The following ARHGAP24 variants were observed in gnomAD, a reference collection of about 807,000 sequenced individuals.
ARHGAP24 encodes rho GTPase-activating protein 24.
ARHGAP24 carries 50 observed loss-of-function variants against 76.4 expected under a neutral mutation model. The observed-to-expected ratio is 0.65, with a 90% confidence interval of 0.52 to 0.83. ARHGAP24 has a LOEUF of 0.83. Ranked by LOEUF, ARHGAP24 falls within the 40% of genes least tolerant of loss-of-function variation. ARHGAP24 has a pLI of 0.00. For synonymous variants in ARHGAP24, 345 were observed against 323.3 expected, an observed-to-expected ratio of 1.07 and a Z score of -0.72; for missense variants, 930 against 914.2, an observed-to-expected ratio of 1.02 and a Z score of -0.22.
intron 5 of ARHGAP24, among the ~76,000 whole-genome samples, chr4:85,969,399 T>G (rs776296579): frequency 3.9e-4 from 60 of 152,136 alleles, no homozygotes; most frequent in Non-Finnish European, 7.4e-4. Context: ...TTCATAAATA[T>G]TTGATAGCTT....
At chr4:85,823,401 T>C (rs1355691040) in intron 3 of ARHGAP24, among the ~76,000 whole-genome samples, 1 of 152,208 alleles carries the variant, frequency 6.6e-6, no homozygotes, top group African/African-American at 2.4e-5. Flanking sequence ...GGCATATGAA[T>C]ATACTTTTAG....
chr4:85,604,374 G>GA (rs1481715428), intron 2 of ARHGAP24: 2 of 152,116 alleles, frequency 1.3e-5, no homozygotes, highest in Non-Finnish European at 2.9e-5. Flanking sequence ...ATAAACAAAT[G>GA]AAAAATCCCT....
intron 3 of ARHGAP24, among the ~76,000 whole-genome samples, chr4:85,863,012 T>C (rs547361515): frequency 1.3e-5 from 2 of 152,146 alleles, no homozygotes; most frequent in East Asian, 3.9e-4. Flanking sequence ...ATAAATCAGA[T>C]CCGGTTCCTC....
intron 3 of ARHGAP24, among the ~76,000 whole-genome samples, chr4:85,774,556 G>A (rs190182825): frequency 1.5e-3 from 232 of 152,236 alleles, no homozygotes; most frequent in African/African-American, 5.2e-3. Context: ...AGAGATTTCC[G>A]GAAGCTCTTA....
intron 4 of ARHGAP24, among the ~76,000 whole-genome samples, chr4:85,928,749 A>C (rs904702728): frequency 1.3e-5 from 2 of 152,194 alleles, no homozygotes; most frequent in African/African-American, 4.8e-5. Flanking sequence ...GGTGTGAGCC[A>C]TTGTGCCCAG....
chr4:85,487,791 TA>T (rs1204462886), intron 1 of ARHGAP24, among the ~76,000 whole-genome samples: 14 of 106,460 alleles, frequency 1.3e-4, no homozygotes, highest in African/African-American at 4.3e-4. Flanking sequence ...ATATATTATA[TA>T]AATATATATT....
In ARHGAP24 at chr4:85,995,040, C is replaced by T; in HGVS notation, c.1386C>T (p.Ser462=). Residue 462 remains serine, a synonymous_variant, in exon 9 of 10, where the codon AGC becomes AGT. Coordinates refer to ENST00000395184, the MANE Select transcript of ARHGAP24 (RefSeq NM_001025616.3). ...ATGGGAGCCTACAGGCCAGAAGGAG[C>T]TCTTCACTGAAGGTATCTGGTACCA... The part of the protein sequence containing the change: ...TPNGSLQARR[S]SSLKVSGTKM... The T allele has an allele frequency of 6.2e-7, 1 of 1,614,066 alleles. No homozygotes were observed. Among genetic ancestry groups the T allele is most frequent in the Non-Finnish European group, 8.5e-7 (1 of 1,180,022 alleles).
chr4:85,603,290 CT>C (rs1720092590), intron 2 of ARHGAP24, among the ~76,000 whole-genome samples: 1 of 152,128 alleles, frequency 6.6e-6, no homozygotes, highest in Admixed American at 6.5e-5. Flanking sequence ...GGTTGACCAC[CT>C]TGAAAATTCA....
At chr4:85,551,583 A>G (rs1384903537) in intron 1 of ARHGAP24, among the ~76,000 whole-genome samples, 1 of 152,100 alleles carries the variant, frequency 6.6e-6, no homozygotes, top group Non-Finnish European at 1.5e-5. Flanking sequence ...TTCTCCTCAA[A>G]TTTTTGGAAT....
At chr4:85,829,045 A>C (rs1729859986) in intron 3 of ARHGAP24, among the ~76,000 whole-genome samples, 1 of 152,160 alleles carries the variant, frequency 6.6e-6, no homozygotes, top group Non-Finnish European at 1.5e-5. Context: ...TTTTATGTCT[A>C]ATGAAAGAAC....
intron 4 of ARHGAP24, among the ~76,000 whole-genome samples, chr4:85,936,961 A>G (rs899869240): frequency 6.6e-6 from 1 of 152,192 alleles, no homozygotes; most frequent in African/African-American, 2.4e-5. Flanking sequence ...CCACCTAAAC[A>G]TTGTTGACTG....
At chr4:85,839,227 G>A (rs758971674) in intron 3 of ARHGAP24, among the ~76,000 whole-genome samples, 49 of 152,138 alleles carry the variant, frequency 3.2e-4, no homozygotes, top group Non-Finnish European at 6.0e-4. Context: ...AGTATGTGCG[G>A]CTTAACATAG....
chr4:85,981,078 G>A (rs1362095803), intron 8 of ARHGAP24, among the ~76,000 whole-genome samples: 1 of 152,204 alleles, frequency 6.6e-6, no homozygotes, highest in Non-Finnish European at 1.5e-5. Flanking sequence ...ACGGCTGTCT[G>A]TATAAAGCAC....
chr4:85,568,387 G>T (rs1726934370), intron 1 of ARHGAP24, among the ~76,000 whole-genome samples: 1 of 151,994 alleles, frequency 6.6e-6, no homozygotes, highest in Admixed American at 6.6e-5. Context: ...TAAGGTGTTT[G>T]GTCAAAGAAT....
intron 1 of ARHGAP24, among the ~76,000 whole-genome samples, chr4:85,524,023 C>A (rs765655497): frequency 3.9e-5 from 6 of 152,092 alleles, no homozygotes; most frequent in Admixed American, 2.0e-4. Flanking sequence ...CAGCCCAATT[C>A]TGTATCCATG....
In ARHGAP24 at chr4:85,972,393, C is replaced by T. The variant is rs539592655; in HGVS notation, c.732+225C>T. The T allele has an allele frequency of 5.6e-5, 31 of 556,994 alleles. 1 individual carries two copies. In the East Asian group the frequency reaches 5.6e-4, roughly 10 times the overall value. 34.5% of individuals were successfully genotyped at this position (556,994 alleles called of 1,614,324 possible). A position where few individuals can be genotyped will look rare whatever the true frequency, so the allele number is the denominator to read the frequency against. The stretch of plus-strand genomic sequence containing the variant: ...TATGGCTGAATAAATTAAATCAGCA[C>T]GACTTGCCGCTTTCTTTCCCTAAAT... On this transcript the variant is annotated intron_variant, in intron 6 of 9. Transcript: ENST00000395184.
chr4:85,910,491 C>T (rs536257554), intron 3 of ARHGAP24, among the ~76,000 whole-genome samples: 1 of 152,274 alleles, frequency 6.6e-6, no homozygotes, highest in African/African-American at 2.4e-5. Flanking sequence ...AGCTCCTTTC[C>T]ACAGTCAGGG....
chr4:85,530,380 C>T (rs1725209987), intron 1 of ARHGAP24, among the ~76,000 whole-genome samples: 1 of 151,964 alleles, frequency 6.6e-6, no homozygotes, highest in Non-Finnish European at 1.5e-5. Flanking sequence ...GACTGTTTCA[C>T]TGCGATATTC....
chr4:85,856,699 AC>A (rs999487814), intron 3 of ARHGAP24, among the ~76,000 whole-genome samples: 1 of 152,014 alleles, frequency 6.6e-6, no homozygotes, highest in African/African-American at 2.4e-5. Flanking sequence ...TTGGCACCTG[AC>A]CTCACGTGAT....
Sources: allele counts gnomAD v4.1 joint callset (sites outside exome capture counted in the v4.1 genomes callset), GRCh38; gene constraint gnomAD v4.1.1; transcripts MANE v1.5; gene names NCBI Gene and HGNC (gene_info 2026-07-23, HGNC 2026-07-21).